Variants in WWOX observed in about 807,000 individuals in gnomAD.
WWOX encodes WW domain containing oxidoreductase.
A neutral mutation model predicts 46.2 loss-of-function variants in WWOX; 69 were observed. The observed-to-expected ratio is 1.49, with a 90% CI of 1.23 to 1.82. The LOEUF (loss-of-function observed/expected upper bound fraction) is 1.82. Among genes scored for constraint, WWOX ranks in the 40% most tolerant of loss-of-function variants. The probability of loss-of-function intolerance (pLI) is 0.00; values close to 1 mark genes in which losing one functional copy is unlikely to be tolerated. For synonymous variants in WWOX, 359 were observed against 202.6 expected, an observed-to-expected ratio of 1.77 and a Z score of -6.56; for missense variants, 919 against 542.6, an observed-to-expected ratio of 1.69 and a Z score of -6.89.
intron 5 of WWOX, among the ~76,000 whole-genome samples, chr16:78,306,618 C>G (rs570830119): frequency 6.6e-6 from 1 of 152,290 alleles, no homozygotes; most frequent in East Asian, 1.9e-4. Flanking sequence ...TGCCTTCCCA[C>G]AATTCCCAGT....
intron 8 of WWOX, among the ~76,000 whole-genome samples, chr16:79,146,159 G>A (rs1349230486): frequency 6.6e-6 from 1 of 152,182 alleles, no homozygotes; most frequent in Non-Finnish European, 1.5e-5. Context: ...ATATGAAGTA[G>A]GCTTATAATT....
chr16:78,115,530 GGTATTAT>G (rs1449918293), intron 4 of WWOX, among the ~76,000 whole-genome samples: 1 of 152,146 alleles, frequency 6.6e-6, no homozygotes. Flanking sequence ...GGAACAACAA[GGTATTAT>G]GTCTTTGGAA....
At position 79,058,131 on chromosome 16, in the gene WWOX, A is replaced by AAG. The variant is rs67881007; in HGVS notation, c.1057-153476_1057-153475insGA. ...TAAAAAAAAAAAAAACAAACAAACAAAAAAAAAAAACTCCTTCTTCATTTG... is the reference window on the plus strand; with the variant it reads ...TAAAAAAAAAAAAAACAAACAAACAAAGAAAAAAAAAACTCCTTCTTCATTTG... On this transcript the variant is annotated intron_variant, in intron 8 of 8. Coordinates refer to ENST00000566780, the MANE Select transcript of WWOX (RefSeq NM_016373.4). Among the ~76,000 whole-genome samples, 2 of 43,950 alleles carry AAG rather than the reference A, an allele frequency of 4.6e-5. 1 individual carries two copies. Among genetic ancestry groups the AAG allele is most frequent in the African/African-American group, 1.3e-4 (2 of 15,150 alleles). 28.8% of individuals were successfully genotyped at this position (43,950 alleles called of 152,430 possible). A position where few individuals can be genotyped will look rare whatever the true frequency, so the allele number is the denominator to read the frequency against.
At chr16:78,766,175 A>C (rs1416267421) in intron 8 of WWOX, among the ~76,000 whole-genome samples, 1 of 152,236 alleles carries the variant, frequency 6.6e-6, no homozygotes, top group African/African-American at 2.4e-5. Context: ...GGGGCAGGAC[A>C]TACTGCGTGC....
intron 8 of WWOX, among the ~76,000 whole-genome samples, chr16:78,613,082 C>G (rs1357232181): frequency 6.6e-6 from 1 of 152,100 alleles, no homozygotes; most frequent in South Asian, 2.1e-4. Context: ...TTTAGTAACT[C>G]ATGGTTTCTG....
intron 8 of WWOX, among the ~76,000 whole-genome samples, chr16:78,476,826 A>G (rs1348463635): frequency 6.6e-6 from 1 of 152,166 alleles, no homozygotes; most frequent in Non-Finnish European, 1.5e-5. Context: ...AGACTAATTT[A>G]GAAAAGGTTG....
At chr16:78,721,708 C>A (rs1447473658) in intron 8 of WWOX, among the ~76,000 whole-genome samples, 2 of 152,184 alleles carry the variant, frequency 1.3e-5, no homozygotes, top group African/African-American at 4.8e-5. Flanking sequence ...TATTGGCTGG[C>A]CAGTAGCATC....
chr16:78,639,252 C>T (rs961897559), intron 8 of WWOX, among the ~76,000 whole-genome samples: 5 of 152,188 alleles, frequency 3.3e-5, no homozygotes, highest in Admixed American at 1.3e-4. Flanking sequence ...ATGACACATG[C>T]AGTGTGGGCC....
intron 8 of WWOX, among the ~76,000 whole-genome samples, chr16:78,784,423 C>T (rs962948383): frequency 4.0e-5 from 6 of 151,890 alleles, no homozygotes; most frequent in African/African-American, 1.5e-4. Flanking sequence ...CCCAGGAGCC[C>T]TTAGGCCGCT....
At chr16:78,575,066 T>TATATATAA (rs2044839131) in intron 8 of WWOX, among the ~76,000 whole-genome samples, 3 of 24,178 alleles carry the variant, frequency 1.2e-4, no homozygotes, top group Non-Finnish European at 1.6e-4. Flanking sequence ...TATATATATA[T>TATATATAA]ATATATATAT....
chr16:78,606,724 T>TC (rs1320756383), intron 8 of WWOX, among the ~76,000 whole-genome samples: 1 of 148,690 alleles, frequency 6.7e-6, no homozygotes, highest in Non-Finnish European at 1.5e-5. Context: ...TGCAGTTTTT[T>TC]TTTTTTTTTT....
intron 8 of WWOX, among the ~76,000 whole-genome samples, chr16:78,450,916 C>G (rs1053984876): frequency 6.6e-6 from 1 of 152,178 alleles, no homozygotes; most frequent in Non-Finnish European, 1.5e-5. Flanking sequence ...ATACAATTTT[C>G]TTCTGCTTTT....
intron 8 of WWOX, among the ~76,000 whole-genome samples, chr16:79,099,294 C>A (rs1391601531): frequency 6.6e-6 from 1 of 152,144 alleles, no homozygotes; most frequent in Non-Finnish European, 1.5e-5. Flanking sequence ...TGGGGACAGG[C>A]AAACCAGATC....
At chr16:78,990,842 G>C (rs1455882595) in intron 8 of WWOX, among the ~76,000 whole-genome samples, 1 of 152,176 alleles carries the variant, frequency 6.6e-6, no homozygotes, top group Non-Finnish European at 1.5e-5. Flanking sequence ...ATTTGTCTCT[G>C]TGTTCACTTG....
intron 8 of WWOX, among the ~76,000 whole-genome samples, chr16:79,169,815 T>G (rs1433152397): frequency 6.6e-6 from 1 of 152,136 alleles, no homozygotes; most frequent in Non-Finnish European, 1.5e-5. Context: ...TTTTCCTGAC[T>G]CTAAATAGTG....
intron 8 of WWOX, among the ~76,000 whole-genome samples, chr16:79,007,202 A>G (rs558083495): frequency 1.3e-5 from 2 of 152,318 alleles, no homozygotes; most frequent in South Asian, 4.1e-4. Flanking sequence ...GAGAAAGTCA[A>G]GTTTTTACAG....
chr16:78,528,973 A>G (rs1308916122), intron 8 of WWOX, among the ~76,000 whole-genome samples: 1 of 92,882 alleles, frequency 1.1e-5, no homozygotes, highest in Non-Finnish European at 2.2e-5. Context: ...TTTTTTTTTT[A>G]GGGAGGGTCT....
intron 5 of WWOX, among the ~76,000 whole-genome samples, chr16:78,184,445 C>T (rs1272801257): frequency 1.3e-5 from 2 of 152,020 alleles, no homozygotes; most frequent in African/African-American, 2.4e-5. Flanking sequence ...TAGTGACTGA[C>T]AATCATAAGC....
At chr16:78,491,890 A>T (rs1258315693) in intron 8 of WWOX, among the ~76,000 whole-genome samples, 1 of 151,824 alleles carries the variant, frequency 6.6e-6, no homozygotes, top group Non-Finnish European at 1.5e-5. Flanking sequence ...CTTGCCTTCT[A>T]CTCCTCTTTT....
Sources: gnomAD v4.1 joint callset for allele counts (sites outside exome capture counted in the v4.1 genomes callset) on GRCh38, gnomAD v4.1.1 for gene constraint, MANE v1.5 for transcripts, NCBI Gene and HGNC (gene_info 2026-07-23, HGNC 2026-07-21) for gene names.